ALDH5A1: variants seen among roughly 807,000 people sequenced by gnomAD.
ALDH5A1 encodes aldehyde dehydrogenase 5 family member A1.
Under a neutral mutation model 54.7 loss-of-function variants are expected in ALDH5A1, and 33 were observed. The observed-to-expected ratio is 0.60, with a 90% CI of 0.46 to 0.81. The LOEUF (loss-of-function observed/expected upper bound fraction) is 0.81. Among genes scored for constraint, ALDH5A1 ranks in the 30% least tolerant of loss-of-function variants. The probability of loss-of-function intolerance (pLI) is 0.00; values close to 1 mark genes in which losing one functional copy is unlikely to be tolerated. For synonymous variants in ALDH5A1, 294 were observed against 292.7 expected (o/e 1.00, Z -0.05); for missense variants, 657 against 711.0 (o/e 0.92, Z 0.86).
At chr6:24,514,928 A>G (rs901217467) in intron 4 of ALDH5A1, among the ~76,000 whole-genome samples, 1 of 152,084 alleles carries the variant, frequency 6.6e-6, no homozygotes, top group Admixed American at 6.6e-5. Context: ...ATGAGCCACC[A>G]TGTCCGGTAG....
chr6:24,511,874 C>A, intron 4 of ALDH5A1: 1 of 595,346 alleles, frequency 1.7e-6, no homozygotes, highest in South Asian at 2.3e-5. Flanking sequence ...TGTTGGTGAG[C>A]TCATGTGATT....
At chr6:24,532,048 C>A in intron 8 of ALDH5A1, 71 bp from the exon 9 acceptor site, 1 of 1,422,278 alleles carries the variant, frequency 7.0e-7, no homozygotes, top group Non-Finnish European at 9.9e-7. Context: ...GGAAACAAAT[C>A]AGAAGAAAAC....
At chr6:24,532,651 C>A (rs2127390889) in intron 9 of ALDH5A1, among the ~76,000 whole-genome samples, 1 of 152,062 alleles carries the variant, frequency 6.6e-6, no homozygotes. Flanking sequence ...TGGAGATGGG[C>A]CAGGTGGTCA....
Position 24,534,486 on chromosome 6 carries a change from T to C in ALDH5A1, c.*774T>C, listed in dbSNP as rs1005708121. On this transcript the variant is annotated 3_prime_UTR_variant, in exon 10 of 10. Transcript: ENST00000357578. ...GTAGGATGGAAGGCACGCAGTGGCATGGCCTGGCTCCTTCCCTGAGTGGCC... is the reference window on the plus strand; with the variant it reads ...GTAGGATGGAAGGCACGCAGTGGCACGGCCTGGCTCCTTCCCTGAGTGGCC... 1.3e-5 allele frequency: 2 copies of C among 152,414 alleles called. No homozygotes were observed. Among genetic ancestry groups the C allele is most frequent in the Non-Finnish European group, 1.5e-5 (1 of 68,228 alleles). The allele number at this position is 152,414 out of a possible 1,614,324, so 9.4% of individuals were successfully genotyped here.
intron 6 of ALDH5A1, among the ~76,000 whole-genome samples, chr6:24,521,685 AC>A (rs1254160608): frequency 6.6e-6 from 1 of 152,072 alleles, no homozygotes; most frequent in Non-Finnish European, 1.5e-5. Context: ...CTTCATAAAT[AC>A]AAAATGTCAA....
intron 1 of ALDH5A1, among the ~76,000 whole-genome samples, chr6:24,501,172 C>CT (rs1233746119): frequency 6.6e-6 from 1 of 152,164 alleles, no homozygotes; most frequent in African/African-American, 2.4e-5. Flanking sequence ...ACTTGGTAGT[C>CT]TAAGTGTTTA....
chr6:24,516,308 C>T (rs1164905726), intron 5 of ALDH5A1, among the ~76,000 whole-genome samples: 4 of 151,174 alleles, frequency 2.6e-5, no homozygotes, highest in East Asian at 2.0e-4. Context: ...TGGTGGCGGG[C>T]GCCTGTAGTC....
intron 8 of ALDH5A1, among the ~76,000 whole-genome samples, chr6:24,531,024 G>A (rs553042532): frequency 6.6e-6 from 1 of 152,326 alleles, no homozygotes; most frequent in East Asian, 1.9e-4. Flanking sequence ...CATTTTTGGT[G>A]CTAGTTTCCG....
rs543926312 is a variant in ALDH5A1, at chr6:24,521,058, G to A, written c.1014+514G>A. Among the ~76,000 whole-genome samples, 3 of 152,354 alleles carry A rather than the reference G, an allele frequency of 2.0e-5. No individual in the cohort carries two copies. In the South Asian group the frequency reaches 6.2e-4, roughly 32 times the overall value. Reference sequence around the variant, plus strand: ...GTAAGAAAATGTTGAGGAGGGTGGTGGCTGGAATAACTCAAAACCCTGTTG... The same window carrying A: ...GTAAGAAAATGTTGAGGAGGGTGGTAGCTGGAATAACTCAAAACCCTGTTG... On this transcript the variant is annotated intron_variant, in intron 6 of 9. Coordinates refer to ENST00000357578, the MANE Select transcript of ALDH5A1 (RefSeq NM_001080.3).
At chr6:24,511,887 T>TG in intron 4 of ALDH5A1, 8 of 601,296 alleles carry the variant, frequency 1.3e-5, no homozygotes, top group South Asian at 4.5e-5. Context: ...ATGTGATTTT[T>TG]GGGGGGTGTT....
chr6:24,503,148 G>C, intron 2 of ALDH5A1, 115 bp from the exon 3 acceptor site: 1 of 1,291,114 alleles, frequency 7.7e-7, no homozygotes, highest in Non-Finnish European at 1.1e-6. Flanking sequence ...CCACTCTATG[G>C]GTATCGTTAT....
At chr6:24,498,015 T>TA (rs34193792) in intron 1 of ALDH5A1, among the ~76,000 whole-genome samples, 51,647 of 151,822 alleles carry the variant, frequency 0.34, 9,160 homozygotes, top group African/African-American at 0.39. Context: ...AGTTATCCCA[T>TA]AAAGGATGTA....
In ALDH5A1 at chr6:24,512,886, T is replaced by C. The variant is rs187362917; in HGVS notation, c.727-2281T>C. 7.1e-3 allele frequency among the ~76,000 whole-genome samples: 1,077 copies of C among 152,078 alleles called. 5 individuals carry two copies. The highest frequency in any genetic ancestry group is 0.01 in the Middle Eastern group (3 of 294). ...TGCATTTTTAGTAGAGACGGGGTTT[T>C]GCCATGTTGGCCAGGCTGGTCTGGA... On this transcript the variant is annotated intron_variant, in intron 4 of 9. Coordinates refer to ENST00000357578, the MANE Select transcript of ALDH5A1 (RefSeq NM_001080.3).
chr6:24,522,964 G>A (rs767391507), intron 7 of ALDH5A1, 39 bp downstream of exon 7: 1 of 1,360,662 alleles, frequency 7.3e-7, no homozygotes, highest in Non-Finnish European at 9.8e-7. Context: ...AAATTTCATG[G>A]TTTCAATATG....
At chr6:24,506,811 A>G (rs1759368130) in intron 4 of ALDH5A1, among the ~76,000 whole-genome samples, 3 of 146,704 alleles carry the variant, frequency 2.0e-5, no homozygotes, top group African/African-American at 7.7e-5. Context: ...CATACCCCAC[A>G]TTCAATTTCT....
At chr6:24,504,709 G>GC (rs1759303710) in intron 3 of ALDH5A1, among the ~76,000 whole-genome samples, 160 bp from the exon 4 acceptor site, 1 of 151,788 alleles carries the variant, frequency 6.6e-6, no homozygotes, top group Non-Finnish European at 1.5e-5. Context: ...CCTCAAGTTG[G>GC]CGGGGGGGTC....
intron 8 of ALDH5A1, among the ~76,000 whole-genome samples, chr6:24,531,717 C>G (rs908696257): frequency 1.3e-5 from 2 of 152,186 alleles, no homozygotes; most frequent in Admixed American, 1.3e-4. Flanking sequence ...GAACCTGGCC[C>G]CAACCCCTTC....
chr6:24,525,366 C>T (rs1295805898), intron 7 of ALDH5A1, among the ~76,000 whole-genome samples: 1 of 152,036 alleles, frequency 6.6e-6, no homozygotes, highest in Non-Finnish European at 1.5e-5. Context: ...AGACAGAATG[C>T]ACTCACACCT....
chr6:24,531,286 A>G (rs1759931539), intron 8 of ALDH5A1, among the ~76,000 whole-genome samples: 1 of 152,230 alleles, frequency 6.6e-6, no homozygotes, highest in Non-Finnish European at 1.5e-5. Context: ...TTTAATAAAA[A>G]CTTTTTACAT....
Sources: allele counts gnomAD v4.1 joint callset (sites outside exome capture counted in the v4.1 genomes callset), GRCh38; gene constraint gnomAD v4.1.1; transcripts MANE v1.5; gene names NCBI Gene and HGNC (gene_info 2026-07-23, HGNC 2026-07-21).